The following SGCZ variants were observed in gnomAD, a reference collection of about 807,000 sequenced individuals.
The protein encoded by SGCZ is zeta-sarcoglycan.
In SGCZ, 40 loss-of-function variants were observed where a neutral mutation model predicts 41.3. That is an observed-to-expected ratio of 0.97 (90% CI 0.75 to 1.26). SGCZ has a LOEUF of 1.26. SGCZ is among the 50% of genes most tolerant of loss of function. SGCZ has a pLI of 0.00. For synonymous variants in SGCZ, 206 were observed against 137.5 expected, an observed-to-expected ratio of 1.50 and a Z score of -3.49; for missense variants, 552 against 369.8, an observed-to-expected ratio of 1.49 and a Z score of -4.04.
intron 3 of SGCZ, among the ~76,000 whole-genome samples, chr8:14,307,625 A>T (rs559414077): frequency 6.6e-6 from 1 of 152,168 alleles, no homozygotes; most frequent in Non-Finnish European, 1.5e-5. Context: ...GATGCTTGGT[A>T]TAAGAATTTT....
At chr8:14,629,962 C>A (rs947301142) in intron 1 of SGCZ, among the ~76,000 whole-genome samples, 2 of 151,986 alleles carry the variant, frequency 1.3e-5, no homozygotes, top group Non-Finnish European at 2.9e-5. Flanking sequence ...GAAACTGTTT[C>A]TAAGTCTTGA....
At chr8:14,154,324 G>A (rs897672827) in intron 5 of SGCZ, among the ~76,000 whole-genome samples, 21 of 152,176 alleles carry the variant, frequency 1.4e-4, no homozygotes, top group African/African-American at 5.1e-4. Context: ...AGCCGAGATC[G>A]TGCCACTGCA....
chr8:14,087,895 A>C lies in SGCZ; in HGVS notation c.*2548T>G, dbSNP rs1291157941. ...TTATTTGGTGTTGAATAGGAAAGCC[A>C]TCGCTATCACTATATTTTCTACTGT... On this transcript the variant is annotated 3_prime_UTR_variant, in exon 8 of 8. Coordinates refer to ENST00000382080, the MANE Select transcript of SGCZ (RefSeq NM_139167.4). Among the ~76,000 whole-genome samples the C allele has an allele frequency of 6.6e-6, 1 of 151,702 alleles. No homozygotes were observed. The highest frequency in any genetic ancestry group is 1.5e-5 in the Non-Finnish European group (1 of 67,780).
chr8:14,809,781 T>A (rs1421516293), intron 1 of SGCZ, among the ~76,000 whole-genome samples: 2 of 152,220 alleles, frequency 1.3e-5, no homozygotes, highest in Non-Finnish European at 2.9e-5. Flanking sequence ...TCTATGATAT[T>A]GATAATACAA....
At chr8:14,643,760 G>C (rs1444723835) in intron 1 of SGCZ, among the ~76,000 whole-genome samples, 1 of 151,618 alleles carries the variant, frequency 6.6e-6, no homozygotes, top group Non-Finnish European at 1.5e-5. Flanking sequence ...AATATAGTAT[G>C]CTTTCATTTG....
At chr8:15,184,041 T>C (rs924439692) in intron 1 of SGCZ, among the ~76,000 whole-genome samples, 13 of 152,334 alleles carry the variant, frequency 8.5e-5, no homozygotes, top group African/African-American at 2.6e-4. Context: ...ACTACTTTTA[T>C]AGTGCTGAAA....
chr8:14,112,445 G>T (rs1219241419), intron 5 of SGCZ, among the ~76,000 whole-genome samples: 1 of 151,946 alleles, frequency 6.6e-6, no homozygotes, highest in African/African-American at 2.4e-5. Context: ...TAGCTTTTCA[G>T]GTCCAGGGAT....
intron 1 of SGCZ, among the ~76,000 whole-genome samples, chr8:14,628,753 T>C (rs1806546120): frequency 6.6e-6 from 1 of 152,148 alleles, no homozygotes; most frequent in African/African-American, 2.4e-5. Context: ...TGAAAATGTC[T>C]GCTTTCACAT....
chr8:15,191,619 T>C (rs1481772823), intron 1 of SGCZ, among the ~76,000 whole-genome samples: 1 of 152,024 alleles, frequency 6.6e-6, no homozygotes, highest in Non-Finnish European at 1.5e-5. Context: ...AAGTATGTGA[T>C]GAGAAATACA....
chr8:14,896,511 C>T (rs1805203953), intron 1 of SGCZ, among the ~76,000 whole-genome samples: 3 of 152,038 alleles, frequency 2.0e-5, no homozygotes, highest in Admixed American at 2.0e-4. Flanking sequence ...GAGCTTCACC[C>T]TGTCATCCAA....
chr8:14,563,932 T>G (rs1585083315), intron 1 of SGCZ, among the ~76,000 whole-genome samples: 2 of 152,034 alleles, frequency 1.3e-5, no homozygotes, highest in African/African-American at 2.4e-5. Context: ...ACGTAAACCC[T>G]GAATATAATG....
At chr8:14,874,632 TA>T (rs1804280694) in intron 1 of SGCZ, among the ~76,000 whole-genome samples, 1 of 152,164 alleles carries the variant, frequency 6.6e-6, no homozygotes, top group South Asian at 2.1e-4. Context: ...TTGCCTTTCT[TA>T]AATTCAGTGA....
At chr8:15,176,247 G>T (rs1799998509) in intron 1 of SGCZ, among the ~76,000 whole-genome samples, 1 of 152,090 alleles carries the variant, frequency 6.6e-6, no homozygotes, top group East Asian at 1.9e-4. Flanking sequence ...TTACTGTCTA[G>T]GGAAGTGTTA....
At chr8:14,974,768 G>A (rs190038377) in intron 1 of SGCZ, among the ~76,000 whole-genome samples, 7 of 150,954 alleles carry the variant, frequency 4.6e-5, no homozygotes, top group African/African-American at 1.7e-4. Context: ...TATAGTCCAT[G>A]ATACTACAAT....
At chr8:14,440,291 T>G (rs900369141) in intron 2 of SGCZ, among the ~76,000 whole-genome samples, 1 of 152,144 alleles carries the variant, frequency 6.6e-6, no homozygotes, top group Middle Eastern at 3.2e-3. Flanking sequence ...ACAAAATATT[T>G]TCTTAAAAAT....
At chr8:14,965,038 C>T (rs371754199) in intron 1 of SGCZ, among the ~76,000 whole-genome samples, 1 of 152,032 alleles carries the variant, frequency 6.6e-6, no homozygotes, top group Non-Finnish European at 1.5e-5. Flanking sequence ...GTCCCCCATT[C>T]CCGAGGTAAG....
At chr8:14,510,984 CCTAA>C (rs1802450350) in intron 2 of SGCZ, among the ~76,000 whole-genome samples, 1 of 151,944 alleles carries the variant, frequency 6.6e-6, no homozygotes, top group Non-Finnish European at 1.5e-5. Context: ...AAGTTGAAAA[CCTAA>C]CTGTTTTATA....
intron 1 of SGCZ, among the ~76,000 whole-genome samples, chr8:14,982,278 A>G (rs1052945337): frequency 2.2e-4 from 34 of 152,192 alleles, no homozygotes; most frequent in Non-Finnish European, 4.3e-4. Context: ...AAATACTACC[A>G]TTACGTGACA....
At chr8:14,342,881 C>A (rs1161180354) in intron 2 of SGCZ, among the ~76,000 whole-genome samples, 1 of 152,210 alleles carries the variant, frequency 6.6e-6, no homozygotes, top group South Asian at 2.1e-4. Flanking sequence ...CGAAGGCCCT[C>A]TCTTCACAGG....
Sources: gnomAD v4.1 joint callset for allele counts (sites outside exome capture counted in the v4.1 genomes callset) on GRCh38, gnomAD v4.1.1 for gene constraint, MANE v1.5 for transcripts, NCBI Gene and HGNC (gene_info 2026-07-23, HGNC 2026-07-21) for gene names.